NCOA2: variants seen among roughly 807,000 people sequenced by gnomAD.
The protein encoded by NCOA2 is class E basic helix-loop-helix protein 75.
Under a neutral mutation model 145.1 loss-of-function variants are expected in NCOA2, and 21 were observed. The ratio of observed to expected loss-of-function variants is 0.14; its 90% CI spans 0.10 to 0.21. The LOEUF (loss-of-function observed/expected upper bound fraction) is 0.21, where lower values mean the gene tolerates loss of function less well. Among genes scored for constraint, NCOA2 ranks in the 10% least tolerant of loss-of-function variants. The probability of loss-of-function intolerance (pLI) is 1.00; values close to 1 mark genes in which losing one functional copy is unlikely to be tolerated. For missense variants in NCOA2, 1,472 were observed against 1,837.6 expected (o/e 0.80, Z 3.64); for synonymous variants, 619 against 637.5 (o/e 0.97, Z 0.44).
chr8:70,198,879 G>A (rs1184250747), intron 4 of NCOA2, among the ~76,000 whole-genome samples: 1 of 152,092 alleles, frequency 6.6e-6, no homozygotes, highest in Admixed American at 6.6e-5. Flanking sequence ...TCAATTTAAG[G>A]CACCTGTGGA....
At chr8:70,275,702 C>T (rs1460531943) in intron 2 of NCOA2, among the ~76,000 whole-genome samples, 2 of 152,128 alleles carry the variant, frequency 1.3e-5, no homozygotes, top group Non-Finnish European at 2.9e-5. Flanking sequence ...GCAAATTTTG[C>T]TTTCCTGATT....
intron 19 of NCOA2, 43 bp from the exon 20 acceptor site, chr8:70,124,908 A>G (rs748853162): frequency 1.3e-6 from 2 of 1,527,994 alleles, no homozygotes; most frequent in Admixed American, 2.2e-5. Context: ...AGAGACTGTT[A>G]GTTATATTGT....
chr8:70,294,734 T>C (rs1022161384), intron 2 of NCOA2, among the ~76,000 whole-genome samples: 13 of 152,208 alleles, frequency 8.5e-5, no homozygotes, highest in African/African-American at 2.7e-4. Context: ...TCAAGGTCTT[T>C]GGAGTGGCAA....
At chr8:70,290,100 G>A (rs929651219) in intron 2 of NCOA2, among the ~76,000 whole-genome samples, 4 of 150,808 alleles carry the variant, frequency 2.7e-5, no homozygotes, top group East Asian at 1.9e-4. Flanking sequence ...CTACCCCTAC[G>A]TATACTTCTT....
chr8:70,388,640 A>G (rs1415837284), intron 1 of NCOA2, among the ~76,000 whole-genome samples: 1 of 152,150 alleles, frequency 6.6e-6, no homozygotes, highest in Non-Finnish European at 1.5e-5. Context: ...TCTGCAATAT[A>G]CGAGTCACTC....
intron 1 of NCOA2, among the ~76,000 whole-genome samples, chr8:70,356,674 T>A (rs1323705371): frequency 6.6e-6 from 1 of 152,220 alleles, no homozygotes; most frequent in Non-Finnish European, 1.5e-5. Context: ...GCTTTTCCTA[T>A]TAGTTGACTG....
chr8:70,423,467 G>A, the NCOA2 span, among the ~76,000 whole-genome samples: 10 of 152,156 alleles, frequency 6.6e-5, no homozygotes, highest in East Asian at 3.9e-4. Flanking sequence ...GAGCCACCGC[G>A]CCTGGGCTTT....
chr8:70,274,954 A>G (rs1341109111), intron 2 of NCOA2, among the ~76,000 whole-genome samples: 4 of 152,224 alleles, frequency 2.6e-5, no homozygotes, highest in African/African-American at 9.6e-5. Context: ...GATTTCGGCT[A>G]GAGAAGTGGC....
intron 1 of NCOA2, among the ~76,000 whole-genome samples, chr8:70,323,487 GA>G (rs1021832301): frequency 6.6e-6 from 1 of 151,792 alleles, no homozygotes; most frequent in Non-Finnish European, 1.5e-5. Flanking sequence ...TCTGAGGTAG[GA>G]AAAAAAATTA....
At chr8:70,211,256 C>T (rs1483287312) in intron 4 of NCOA2, among the ~76,000 whole-genome samples, 4 of 151,900 alleles carry the variant, frequency 2.6e-5, no homozygotes, top group African/African-American at 7.3e-5. Context: ...GTCAGGAGTT[C>T]GAGACCAGCC....
chr8:70,237,953 G>A (rs985117186), intron 2 of NCOA2, among the ~76,000 whole-genome samples: 1 of 151,930 alleles, frequency 6.6e-6, no homozygotes, highest in African/African-American at 2.4e-5. Flanking sequence ...AATAACCAGG[G>A]GATTTTAGGT....
chr8:70,293,152 A>G (rs1826832127), intron 2 of NCOA2, among the ~76,000 whole-genome samples: 1 of 152,198 alleles, frequency 6.6e-6, no homozygotes, highest in East Asian at 1.9e-4. Context: ...TGCCTAAAGC[A>G]AAAGATATAT....
chr8:70,174,073 A>AT (rs892546695), intron 5 of NCOA2, among the ~76,000 whole-genome samples: 6 of 151,360 alleles, frequency 4.0e-5, no homozygotes, highest in Admixed American at 6.6e-5. Context: ...ATTCACTGAC[A>AT]TTTTTTTTTC....
intron 1 of NCOA2, among the ~76,000 whole-genome samples, chr8:70,335,288 T>C (rs964403006): frequency 7.2e-5 from 11 of 152,134 alleles, no homozygotes; most frequent in African/African-American, 1.2e-4. Context: ...CTTTTCTGAA[T>C]TGATACAAAC....
At chr8:70,283,568 A>C (rs1826034289) in intron 2 of NCOA2, among the ~76,000 whole-genome samples, 1 of 152,224 alleles carries the variant, frequency 6.6e-6, no homozygotes, top group Non-Finnish European at 1.5e-5. Context: ...AAGATCAAAG[A>C]GCCCAGCCTT....
intron 10 of NCOA2, 110 bp from the exon 11 acceptor site, chr8:70,157,350 A>C (rs181099739): frequency 1.1e-6 from 1 of 951,222 alleles, no homozygotes; most frequent in Admixed American, 3.0e-5. Flanking sequence ...AACAGGCTAC[A>C]TTTTAAGGAT....
At chr8:70,396,746 C>T (rs1813709463) in intron 1 of NCOA2, among the ~76,000 whole-genome samples, 1 of 152,196 alleles carries the variant, frequency 6.6e-6, no homozygotes, top group Admixed American at 6.5e-5. Flanking sequence ...CTGGAAGATG[C>T]CTCCTGATAC....
the NCOA2 span, among the ~76,000 whole-genome samples, chr8:70,419,773 AC>A: frequency 4.6e-5 from 7 of 152,144 alleles, no homozygotes; most frequent in Non-Finnish European, 1.0e-4. Flanking sequence ...ATTTTAAGGC[AC>A]CCTCAAATGT....
intron 2 of NCOA2, among the ~76,000 whole-genome samples, chr8:70,225,349 A>T (rs2134105965): frequency 6.6e-6 from 1 of 152,208 alleles, no homozygotes; most frequent in East Asian, 1.9e-4. Flanking sequence ...GACGTTCGAG[A>T]CCAACATGAC....
Sources: allele counts gnomAD v4.1 joint callset (sites outside exome capture counted in the v4.1 genomes callset), GRCh38; gene constraint gnomAD v4.1.1; transcripts MANE v1.5; gene names NCBI Gene and HGNC (gene_info 2026-07-23, HGNC 2026-07-21).